KIF5C: variants seen among roughly 807,000 people sequenced by gnomAD.
The protein encoded by KIF5C is kinesin family member 5C, also known as kinesin heavy chain isoform 5C.
Under a neutral mutation model 125.2 loss-of-function variants are expected in KIF5C, and 18 were observed. That is an observed-to-expected ratio of 0.14 (90% CI 0.10 to 0.21). The LOEUF is 0.21. Among genes scored for constraint, KIF5C ranks in the 10% least tolerant of loss-of-function variants. The probability of loss-of-function intolerance (pLI) is 1.00; values close to 1 mark genes in which losing one functional copy is unlikely to be tolerated. For missense variants in KIF5C, 780 were observed against 1,183.8 expected (o/e 0.66, Z 5.01); for synonymous variants, 405 against 434.0 (o/e 0.93, Z 0.83).
At position 148,978,334 on chromosome 2, in the gene KIF5C, GTT is replaced by G. The variant is rs71406035; in HGVS notation, c.1294-561_1294-560del. On this transcript the variant is annotated intron_variant, in intron 12 of 25. Coordinates refer to ENST00000435030, the MANE Select transcript of KIF5C (RefSeq NM_004522.3). ...GCTTCTGTCCCTCAGCTGCCCTGAG[GTT>G]TTTTTTTTTTTTTTTTTTTTTTTTT... is the stretch of plus-strand genomic sequence containing the variant. Among the ~76,000 whole-genome samples the G allele has an allele frequency of 8.1e-4, 64 of 78,656 alleles. 1 individual carries two copies. Among genetic ancestry groups the G allele is most frequent in the African/African-American group, 2.5e-3 (53 of 21,470 alleles). 51.6% of individuals were successfully genotyped at this position (78,656 alleles called of 152,430 possible).
intron 1 of KIF5C, among the ~76,000 whole-genome samples, chr2:148,915,124 T>C (rs1028560368): frequency 2.6e-5 from 4 of 151,988 alleles, no homozygotes; most frequent in East Asian, 1.9e-4. Flanking sequence ...TAGAAAGACA[T>C]AGTGACTTCA....
chr2:148,898,917 G>C (rs1680776766), intron 1 of KIF5C, among the ~76,000 whole-genome samples: 1 of 152,188 alleles, frequency 6.6e-6, no homozygotes, highest in Non-Finnish European at 1.5e-5. Flanking sequence ...GAAGATATCT[G>C]TTCCTGTTAG....
At chr2:148,917,432 C>T (rs1212785208) in intron 1 of KIF5C, among the ~76,000 whole-genome samples, 1 of 152,194 alleles carries the variant, frequency 6.6e-6, no homozygotes, top group Non-Finnish European at 1.5e-5. Context: ...GTTATTTCCC[C>T]TAAGTAATAG....
chr2:148,928,285 T>C (rs532808573), intron 2 of KIF5C, among the ~76,000 whole-genome samples: 1 of 152,316 alleles, frequency 6.6e-6, no homozygotes, highest in East Asian at 1.9e-4. Flanking sequence ...TACATGACCC[T>C]GAATAGGACA....
intron 1 of KIF5C, among the ~76,000 whole-genome samples, chr2:148,919,254 T>G (rs184329342): frequency 6.6e-6 from 1 of 152,214 alleles, no homozygotes; most frequent in Non-Finnish European, 1.5e-5. Flanking sequence ...ACACCACCAT[T>G]TAGAAGTTTG....
intron 10 of KIF5C, among the ~76,000 whole-genome samples, chr2:148,961,282 A>ATGAC (rs1682918176): frequency 6.6e-6 from 1 of 151,894 alleles, no homozygotes; most frequent in Non-Finnish European, 1.5e-5. Context: ...CCGCATGGTG[A>ATGAC]TGACGGGCTG....
At position 148,876,730 on chromosome 2, in the gene KIF5C, G is replaced by A. The variant is rs1011952774; in HGVS notation, c.126+987G>A. Among the ~76,000 whole-genome samples, 20 of 152,278 alleles carry A rather than the reference G, an allele frequency of 1.3e-4. 1 individual carries two copies. The East Asian group carries it at 3.9e-3, about 29-fold the overall frequency. On this transcript the variant is annotated intron_variant, in intron 1 of 25. Transcript: ENST00000435030. The surrounding 1 kb of genome is among the most constrained non-coding windows in gnomAD (Gnocchi z 4.7). The stretch of plus-strand genomic sequence containing the variant: ...TCTGTCAGATGAAACAAACCAGCTC[G>A]GTCCCCCGCCCCTTCCCCGCCCGCT...
intron 11 of KIF5C, among the ~76,000 whole-genome samples, chr2:148,972,674 C>G (rs1162545370): frequency 6.6e-6 from 1 of 152,178 alleles, no homozygotes; most frequent in Non-Finnish European, 1.5e-5. Flanking sequence ...CTTTTCTTTC[C>G]TAAGACTACC....
rs1574678830 is a variant in KIF5C at position 148,876,135 on chromosome 2, A to G, written c.126+392A>G. On this transcript the variant is annotated intron_variant, in intron 1 of 25. Coordinates refer to ENST00000435030, the MANE Select transcript of KIF5C (RefSeq NM_004522.3). This position sits in a 1 kb window ranked among gnomAD's most constrained non-coding sequence, Gnocchi z 4.7. ...TAAAGTGTGAGCTCTGCAACCCGCAAATGCTTCTGGGCATCAATCAATTCG... is the reference window on the plus strand; with the variant it reads ...TAAAGTGTGAGCTCTGCAACCCGCAGATGCTTCTGGGCATCAATCAATTCG... Among the ~76,000 whole-genome samples the G allele has an allele frequency of 6.6e-6, 1 of 152,192 alleles. No homozygotes were observed. Among genetic ancestry groups the G allele is most frequent in the Non-Finnish European group, 1.5e-5 (1 of 68,024 alleles).
intron 14 of KIF5C, among the ~76,000 whole-genome samples, chr2:148,982,178 C>T: frequency 6.6e-6 from 1 of 152,226 alleles, no homozygotes; most frequent in East Asian, 1.9e-4. Flanking sequence ...GAGCCTGGAA[C>T]TAAGCTGCCC....
At chr2:148,895,352 G>T (rs1480770485) in intron 1 of KIF5C, among the ~76,000 whole-genome samples, 1 of 152,114 alleles carries the variant, frequency 6.6e-6, no homozygotes, top group East Asian at 1.9e-4. Context: ...TGGCCAGGCT[G>T]GTCTCAAACT....
intron 22 of KIF5C, among the ~76,000 whole-genome samples, chr2:149,006,471 C>G (rs1400731525): frequency 6.6e-6 from 1 of 152,094 alleles, no homozygotes; most frequent in African/African-American, 2.4e-5. Flanking sequence ...TGTGAAGGCT[C>G]AGTCCTTGGT....
In KIF5C at chr2:148,979,105, T is replaced by G. The variant is rs769143635; in HGVS notation, c.1362+115T>G. The G allele has an allele frequency of 3.0e-4, 396 of 1,300,272 alleles. 1 individual carries two copies. The highest frequency in any genetic ancestry group is 1.2e-3 in the South Asian group (48 of 41,070). 80.5% of individuals were successfully genotyped at this position (1,300,272 alleles called of 1,614,324 possible). On this transcript the variant is annotated intron_variant, in intron 13 of 25. Coordinates refer to ENST00000435030, the MANE Select transcript of KIF5C (RefSeq NM_004522.3). ...AGCTTTTCATAATTACAGAATCATG[T>G]GGAAATTTCTTGGTAGATGTCCCTT...
rs545898811 is a variant in KIF5C at position 148,964,233 on chromosome 2, C to T, written c.1117+2114C>T. Among the ~76,000 whole-genome samples, 3 of 151,626 alleles carry T rather than the reference C, an allele frequency of 2.0e-5. No homozygotes were observed. In the South Asian group the frequency reaches 6.3e-4, roughly 32 times the overall value. On this transcript the variant is annotated intron_variant, in intron 11 of 25. Coordinates refer to ENST00000435030, the MANE Select transcript of KIF5C (RefSeq NM_004522.3). ...GAGGTTGCAGTGAGCCGAGAACCCA[C>T]CATTGTACTCCAGCCTGGGCAAAAA...
rs1429454507 is a variant in KIF5C, at chr2:148,876,900, A to G, written c.126+1157A>G. Among the ~76,000 whole-genome samples the G allele has an allele frequency of 6.6e-6, 1 of 152,126 alleles. No individual in the cohort carries two copies. Among genetic ancestry groups the G allele is most frequent in the Non-Finnish European group, 1.5e-5 (1 of 68,016 alleles). On this transcript the variant is annotated intron_variant, in intron 1 of 25. Coordinates refer to ENST00000435030, the MANE Select transcript of KIF5C (RefSeq NM_004522.3). The surrounding 1 kb of genome is among the most constrained non-coding windows in gnomAD (Gnocchi z 4.7). ...CTGATGCAGCCTTCCCGTCCCCAGC[A>G]TTGATTAAGTGATGTCATCCTGATC... is the stretch of plus-strand genomic sequence containing the variant.
Position 148,997,529 on chromosome 2 carries a change from C to G in KIF5C, c.2100+189C>G. The stretch of plus-strand genomic sequence containing the variant: ...CTTAGAAATGAACAAGTCCAGAAAC[C>G]CCAAGATGTCTGTAGAGAATGGTTA... On this transcript the variant is annotated intron_variant, in intron 18 of 25. Transcript: ENST00000435030. 5.9e-6 allele frequency: 6 copies of G among 1,023,302 alleles called. No individual in the cohort carries two copies. In the South Asian group the frequency reaches 8.8e-5, roughly 15 times the overall value. The allele number at this position is 1,023,302 out of a possible 1,614,324, so 63.4% of individuals were successfully genotyped here.
At chr2:149,015,609 A>G (rs910161690) in intron 25 of KIF5C, among the ~76,000 whole-genome samples, 6 of 152,232 alleles carry the variant, frequency 3.9e-5, no homozygotes, top group Non-Finnish European at 7.3e-5. Context: ...GCCTATGAAG[A>G]TGCCAATATA....
At chr2:148,905,823 T>C (rs1681082410) in intron 1 of KIF5C, among the ~76,000 whole-genome samples, 1 of 152,088 alleles carries the variant, frequency 6.6e-6, no homozygotes, top group African/African-American at 2.4e-5. Flanking sequence ...TCTGCATGGC[T>C]GGGGAGGCCT....
At chr2:148,879,540 A>G (rs1244976800) in intron 1 of KIF5C, 1 of 132,530 alleles carries the variant, frequency 7.5e-6, no homozygotes, top group African/African-American at 2.8e-5. Flanking sequence ...ATGGTGAACT[A>G]GAAGTAGAGG....
Sources: gnomAD v4.1 joint callset for allele counts (sites outside exome capture counted in the v4.1 genomes callset) on GRCh38, gnomAD v4.1.1 for gene constraint, Gnocchi (gnomAD v3.1) non-coding constraint, MANE v1.5 for transcripts, NCBI Gene and HGNC (gene_info 2026-07-23, HGNC 2026-07-21) for gene names.